Variants in KMO observed in about 807,000 individuals in gnomAD.
KMO encodes kynurenine 3-monooxygenase, also known as kynurenine 3-hydroxylase.
Under a neutral mutation model 57.8 loss-of-function variants are expected in KMO, and 24 were observed. That is an observed-to-expected ratio of 0.42 (90% confidence interval 0.30 to 0.58). The LOEUF (loss-of-function observed/expected upper bound fraction) is 0.58. Among genes scored for constraint, KMO ranks in the 20% least tolerant of loss-of-function variants. KMO has a pLI of 0.22. For synonymous variants in KMO, 210 were observed against 193.6 expected (o/e 1.08, Z -0.70); for missense variants, 483 against 588.2 (o/e 0.82, Z 1.85).
At chr1:241,546,899 C>T (rs1409972677) in intron 1 of KMO, among the ~76,000 whole-genome samples, 2 of 152,134 alleles carry the variant, frequency 1.3e-5, no homozygotes, top group African/African-American at 4.8e-5. Context: ...TTGAGAAACT[C>T]CAATATTTGT....
intron 6 of KMO, among the ~76,000 whole-genome samples, chr1:241,561,852 G>A (rs932896682): frequency 2.0e-5 from 3 of 151,870 alleles, no homozygotes; most frequent in African/African-American, 7.3e-5. Flanking sequence ...ACATTCATTC[G>A]TACACTTGGA....
At chr1:241,578,481 C>T (rs1662616662) in intron 10 of KMO, among the ~76,000 whole-genome samples, 1 of 152,082 alleles carries the variant, frequency 6.6e-6, no homozygotes, top group African/African-American at 2.4e-5. Flanking sequence ...CCTCTAGGTC[C>T]AGCAACACAG....
At chr1:241,544,531 C>A (rs768502794) in intron 1 of KMO, among the ~76,000 whole-genome samples, 45 of 152,108 alleles carry the variant, frequency 3.0e-4, no homozygotes, top group Non-Finnish European at 5.3e-4. Context: ...TAGAAATAAA[C>A]CCCATGTGTT....
chr1:241,589,018 G>A (rs1375024548), intron 12 of KMO, among the ~76,000 whole-genome samples, 188 bp downstream of exon 12: 1 of 152,018 alleles, frequency 6.6e-6, no homozygotes, highest in Non-Finnish European at 1.5e-5. Flanking sequence ...CAGTGGCAAT[G>A]ACCAATACAC....
chr1:241,533,566 G>C (rs1168468123), intron 1 of KMO, among the ~76,000 whole-genome samples: 1 of 152,164 alleles, frequency 6.6e-6, no homozygotes, highest in Non-Finnish European at 1.5e-5. Context: ...TGTCGTCACT[G>C]CTTCATACTA....
At chr1:241,532,810 C>T (rs1011255278) in intron 1 of KMO, among the ~76,000 whole-genome samples, 69 of 152,060 alleles carry the variant, frequency 4.5e-4, no homozygotes, top group African/African-American at 1.6e-3. Flanking sequence ...TTGATTTTAT[C>T]CCCAAATTGG....
At chr1:241,562,513 C>G (rs571042030) in intron 7 of KMO, among the ~76,000 whole-genome samples, 181 bp downstream of exon 7, 7 of 152,188 alleles carry the variant, frequency 4.6e-5, no homozygotes, top group Admixed American at 3.9e-4. Context: ...GATTCTCAGT[C>G]CTTCCTTGTT....
chr1:241,564,056 G>A (rs1016915034), intron 7 of KMO, among the ~76,000 whole-genome samples: 3 of 152,132 alleles, frequency 2.0e-5, no homozygotes, highest in Non-Finnish European at 2.9e-5. Context: ...CTGTGTCTGT[G>A]TGTTGGGCTT....
intron 13 of KMO, 29 bp downstream of exon 13, chr1:241,590,142 A>C: frequency 6.2e-7 from 1 of 1,608,530 alleles, no homozygotes; most frequent in African/African-American, 1.3e-5. Context: ...ACTTTTCCTC[A>C]TTTTGATTTT....
At chr1:241,586,646 G>C in intron 10 of KMO, 33 bp from the exon 11 acceptor site, 1 of 1,394,448 alleles carries the variant, frequency 7.2e-7, no homozygotes. Flanking sequence ...ATTATTTCTA[G>C]TTTCTTATTT....
At chr1:241,548,100 C>T (rs546705518) in intron 1 of KMO, among the ~76,000 whole-genome samples, 14 of 152,006 alleles carry the variant, frequency 9.2e-5, no homozygotes, top group African/African-American at 2.4e-4. Flanking sequence ...CACACACACA[C>T]ACACACACAG....
chr1:241,564,022 C>G (rs1056726747), intron 7 of KMO, among the ~76,000 whole-genome samples: 1 of 152,064 alleles, frequency 6.6e-6, no homozygotes, highest in Non-Finnish European at 1.5e-5. Context: ...ACTGTAAGGT[C>G]AAGAGTTATG....
intron 1 of KMO, among the ~76,000 whole-genome samples, chr1:241,542,355 G>A (rs1476229675): frequency 6.6e-6 from 1 of 152,162 alleles, no homozygotes; most frequent in Admixed American, 6.5e-5. Flanking sequence ...CACATGACCT[G>A]TAAATAAGGA....
At chr1:241,546,685 T>C (rs183159985) in intron 1 of KMO, among the ~76,000 whole-genome samples, 2 of 152,218 alleles carry the variant, frequency 1.3e-5, no homozygotes, top group African/African-American at 2.4e-5. Flanking sequence ...TTCACTTACA[T>C]AGGGAATATG....
At position 241,586,190 on chromosome 1, in the gene KMO, TC is replaced by T. The variant is rs1250227668; in HGVS notation, c.958-488del. Among the ~76,000 whole-genome samples, 784 of 132,632 alleles carry T rather than the reference TC, an allele frequency of 5.9e-3. 11 individuals carry two copies. The highest frequency in any genetic ancestry group is 0.022 in the African/African-American group (753 of 34,810). The allele number at this position is 132,632 out of a possible 152,430, so 87.0% of individuals were successfully genotyped here. ...ACACTGCCAAGCATGAAGTCTATGG[TC>T]TTTTTTTTTTTTTTTTTTTTTTTTT... On this transcript the variant is annotated intron_variant, in intron 10 of 14. Transcript: ENST00000366559.
intron 10 of KMO, among the ~76,000 whole-genome samples, chr1:241,579,412 G>A (rs1343472426): frequency 2.0e-5 from 3 of 152,102 alleles, no homozygotes; most frequent in Non-Finnish European, 4.4e-5. Flanking sequence ...GCAGGTCCAT[G>A]CAAGCAGCAT....
At chr1:241,589,202 A>AT (rs1475150818) in intron 12 of KMO, among the ~76,000 whole-genome samples, 5 of 152,208 alleles carry the variant, frequency 3.3e-5, no homozygotes, top group Non-Finnish European at 5.9e-5. Flanking sequence ...CACTCATAAC[A>AT]TTATAACTTG....
At chr1:241,535,103 C>A (rs1205712379) in intron 1 of KMO, among the ~76,000 whole-genome samples, 1 of 151,846 alleles carries the variant, frequency 6.6e-6, no homozygotes, top group Non-Finnish European at 1.5e-5. Context: ...AATGAGAAAA[C>A]TTAATGATAT....
chr1:241,565,428 A>G (rs1179270012), intron 8 of KMO, among the ~76,000 whole-genome samples: 1 of 152,088 alleles, frequency 6.6e-6, no homozygotes, highest in East Asian at 1.9e-4. Context: ...CATTATCAAA[A>G]GAGAGCATGG....
Sources: gnomAD v4.1 joint callset for allele counts (sites outside exome capture counted in the v4.1 genomes callset) on GRCh38, gnomAD v4.1.1 for gene constraint, MANE v1.5 for transcripts, NCBI Gene and HGNC (gene_info 2026-07-23, HGNC 2026-07-21) for gene names.